The following ACAD9 variants were observed in gnomAD, a reference collection of about 807,000 sequenced individuals.
ACAD9 encodes the protein complex I assembly factor ACAD9, mitochondrial.
ACAD9 carries 53 observed loss-of-function variants against 70.2 expected under a neutral mutation model. That is an observed-to-expected ratio of 0.75 (90% CI 0.61 to 0.95). The LOEUF (loss-of-function observed/expected upper bound fraction) is 0.95, where lower values mean the gene tolerates loss of function less well. Ranked by LOEUF, ACAD9 falls within the 40% of genes least tolerant of loss-of-function variation. The probability of loss-of-function intolerance (pLI) is 0.00; values close to 1 mark genes in which losing one functional copy is unlikely to be tolerated. For synonymous variants in ACAD9, 313 were observed against 312.1 expected, an observed-to-expected ratio of 1.00 and a Z score of -0.03; for missense variants, 777 against 802.8, an observed-to-expected ratio of 0.97 and a Z score of 0.39.
In ACAD9 at chr3:128,879,791, C is replaced by T. The variant is rs376651813; in HGVS notation, c.100C>T (p.Pro34Ser). ...GAACCGGCGGCTACTGCGCACCAGC[C>T]CGCCTGTACGAGCTTTCGCCAAAGA... ...TANRRLLRTS[P>S]PVRAFAKELF... is the part of the protein sequence containing the mutation. The change falls in exon 1 of 18, where the codon CCG (proline) becomes TCG (serine). Residue 34 changes from proline (P) to serine (S), a missense_variant. Pro to Ser is a moderately conservative substitution (Grantham distance 74, BLOSUM62 -1). Transcript: ENST00000308982. 56 of 1,613,938 alleles carry T rather than the reference C, an allele frequency of 3.5e-5. No homozygotes were observed. The highest frequency in any genetic ancestry group is 4.5e-5 in the East Asian group (2 of 44,894).
chr3:128,904,532 G>A (rs1238951980), intron 11 of ACAD9, 27 bp downstream of exon 11: 1 of 1,610,310 alleles, frequency 6.2e-7, no homozygotes, highest in African/African-American at 1.3e-5. Context: ...CAGAGAGCTG[G>A]CGCTGGAGGG....
At chr3:128,894,459 G>T (rs1457902640) in intron 3 of ACAD9, among the ~76,000 whole-genome samples, 1 of 151,804 alleles carries the variant, frequency 6.6e-6, no homozygotes, top group Non-Finnish European at 1.5e-5. Flanking sequence ...ATCTACATAT[G>T]CTTGTATGCC....
At chr3:128,893,420 G>A in intron 2 of ACAD9, 135 bp from the exon 3 acceptor site, 3 of 707,626 alleles carry the variant, frequency 4.2e-6, no homozygotes, top group South Asian at 1.7e-5. Flanking sequence ...AAATGACCAT[G>A]ACTACAGAAT....
intron 17 of ACAD9, among the ~76,000 whole-genome samples, chr3:128,911,920 G>T (rs192866452): frequency 6.6e-6 from 1 of 152,136 alleles, no homozygotes; most frequent in African/African-American, 2.4e-5. Context: ...GGCTTTGCTC[G>T]TGCTCCCCGC....
chr3:128,887,294 A>G (rs1935278242), intron 2 of ACAD9, among the ~76,000 whole-genome samples: 1 of 152,080 alleles, frequency 6.6e-6, no homozygotes, highest in African/African-American at 2.4e-5. Flanking sequence ...TCATCTTTGT[A>G]TTTGCAGAGA....
rs137992130 is a variant in ACAD9, at chr3:128,899,594, A to G, written c.808+133A>G. 6.7e-4 allele frequency: 697 copies of G among 1,042,212 alleles called. No individual in the cohort carries two copies. In the African/African-American group the frequency reaches 0.01, roughly 15 times the overall value. 64.6% of individuals were successfully genotyped at this position (1,042,212 alleles called of 1,614,324 possible). On this transcript the variant is annotated intron_variant, in intron 7 of 17. Coordinates refer to ENST00000308982, the MANE Select transcript of ACAD9 (RefSeq NM_014049.5). ...GGAGACTGGCCCTTGACTCTGTCCA[A>G]ATAGCAAGATAAAATGAGATTTAAA...
At chr3:128,889,301 A>G (rs917314484) in intron 2 of ACAD9, among the ~76,000 whole-genome samples, 1 of 152,112 alleles carries the variant, frequency 6.6e-6, no homozygotes, top group Non-Finnish European at 1.5e-5. Context: ...GGCATGAGAC[A>G]CCACGCCCGG....
chr3:128,888,336 T>TG (rs1935313777), intron 2 of ACAD9, among the ~76,000 whole-genome samples: 1 of 152,268 alleles, frequency 6.6e-6, no homozygotes, highest in East Asian at 1.9e-4. Context: ...CCCAGCGCTT[T>TG]GGGAGGCCGA....
At position 128,904,562 on chromosome 3, in the gene ACAD9, C is replaced by T. The variant is rs73210609; in HGVS notation, c.1149+57C>T. 53,264 of 1,587,536 alleles carry T rather than the reference C, an allele frequency of 0.034. 1,090 individuals carry two copies. Among genetic ancestry groups the T allele is most frequent in the Non-Finnish European group, 0.038 (44,977 of 1,169,494 alleles). ...GGAGGGAGGCTTGGGAAATCTCCCT[C>T]ACTGTGACCTTTCAAGCCCATGCTG... On this transcript the variant is annotated intron_variant, in intron 11 of 17. Transcript: ENST00000308982.
At chr3:128,890,148 T>C (rs1020306604) in intron 2 of ACAD9, among the ~76,000 whole-genome samples, 1 of 151,628 alleles carries the variant, frequency 6.6e-6, no homozygotes, top group East Asian at 2.0e-4. Context: ...TTTTTTGAGA[T>C]GCCATCTCGA....
rs768380214 is a variant in ACAD9 at position 128,908,282 on chromosome 3, C to T, written c.1358+18C>T. 50 of 1,613,842 alleles carry T rather than the reference C, an allele frequency of 3.1e-5. 1 individual carries two copies. Among genetic ancestry groups the T allele is most frequent in the Middle Eastern group, 3.3e-4 (2 of 6,084 alleles). Reference sequence around the variant, plus strand: ...AGGATCCAGTAGGTGCCATTGTCACCGTGTGCTTCTCAGGTCCCATACCTG... The same window carrying T: ...AGGATCCAGTAGGTGCCATTGTCACTGTGTGCTTCTCAGGTCCCATACCTG... On this transcript the variant is annotated intron_variant, in intron 13 of 17. Transcript: ENST00000308982.
intron 1 of ACAD9, 175 bp downstream of exon 1, chr3:128,880,016 G>A (rs1935040320): frequency 1.3e-6 from 2 of 1,545,264 alleles, no homozygotes; most frequent in Admixed American, 2.0e-5. Flanking sequence ...CCCAGAGAAA[G>A]GGTGAGACAT....
rs975465043 is a variant in ACAD9 at position 128,897,816 on chromosome 3, C to T, written c.633+106C>T. The T allele has an allele frequency of 2.6e-5, 27 of 1,033,470 alleles. No homozygotes were observed. In the African/African-American group the frequency reaches 2.7e-4, roughly 10 times the overall value. The allele number at this position is 1,033,470 out of a possible 1,614,324, so 64.0% of individuals were successfully genotyped here. ...GGGATTGTACCTGCTGCTGTAGCAC[C>T]GACTACCTTCTTGAGCTGCTTTTAT... is the stretch of plus-strand genomic sequence containing the variant. On this transcript the variant is annotated intron_variant, in intron 6 of 17. Coordinates refer to ENST00000308982, the MANE Select transcript of ACAD9 (RefSeq NM_014049.5).
chr3:128,879,987 T>A, intron 1 of ACAD9, 146 bp downstream of exon 1: 3 of 1,552,772 alleles, frequency 1.9e-6, no homozygotes, highest in Non-Finnish European at 2.6e-6. Flanking sequence ...TCCGGATTCC[T>A]GAGTTCCAGG....
At chr3:128,904,317 T>G in intron 10 of ACAD9, 69 bp from the exon 11 acceptor site, 1 of 1,613,612 alleles carries the variant, frequency 6.2e-7, no homozygotes, top group Non-Finnish European at 8.5e-7. Flanking sequence ...AATTACTTTC[T>G]CTCCTGTTTC....
rs1451166592 is a variant in ACAD9 at position 128,902,559 on chromosome 3, A to G, written c.889A>G (p.Met297Val). Residue 297 changes from methionine (M) to valine (V), a missense_variant, in exon 9 of 18, where the codon ATG (methionine) becomes GTG (valine). Transcript: ENST00000308982. This position sits in a 1 kb window ranked among gnomAD's most constrained non-coding sequence, Gnocchi z 4.0. ...GEVGDGFKVA[M>V]NILNSGRFSM... ...CTCCCTGTTCTCCCTGCAGGTGGCCATGAACATCCTCAACAGCGGCCGGTT... is the reference window on the plus strand; with the variant it reads ...CTCCCTGTTCTCCCTGCAGGTGGCCGTGAACATCCTCAACAGCGGCCGGTT... 5 of 1,614,026 alleles carry G rather than the reference A, an allele frequency of 3.1e-6. No homozygotes were observed. In the Admixed American group the frequency reaches 5.0e-5, roughly 16 times the overall value.
rs756131819 is a variant in ACAD9 at position 128,912,634 on chromosome 3, G to A, written c.*27G>A. ...GCAGGGGACAGTGTCCCCTGCTACC[G>A]CCCGCCCCTACCCATGGCCCGTTGC... On this transcript the variant is annotated 3_prime_UTR_variant, in exon 18 of 18. Coordinates refer to ENST00000308982, the MANE Select transcript of ACAD9 (RefSeq NM_014049.5). 13 of 1,582,938 alleles carry A rather than the reference G, an allele frequency of 8.2e-6. No individual in the cohort carries two copies. Among genetic ancestry groups the A allele is most frequent in the African/African-American group, 4.0e-5 (3 of 74,214 alleles).
intron 16 of ACAD9, 137 bp downstream of exon 16, chr3:128,910,286 G>T: frequency 6.6e-7 from 1 of 1,516,154 alleles, no homozygotes; most frequent in South Asian, 1.2e-5. Flanking sequence ...GGCCGTGGGA[G>T]GGTCTGTGCT....
At chr3:128,907,309 G>A (rs561247333) in intron 12 of ACAD9, among the ~76,000 whole-genome samples, 5 of 152,282 alleles carry the variant, frequency 3.3e-5, no homozygotes, top group African/African-American at 1.2e-4. Context: ...TACGGGGCAA[G>A]GGCCAGCCTG....
Sources: allele counts gnomAD v4.1 joint callset (sites outside exome capture counted in the v4.1 genomes callset), GRCh38; gene constraint gnomAD v4.1.1; non-coding constraint Gnocchi (gnomAD v3.1); transcripts MANE v1.5; gene names NCBI Gene and HGNC (gene_info 2026-07-23, HGNC 2026-07-21).